M1AP: variants seen among roughly 807,000 people sequenced by gnomAD.
M1AP encodes the protein meiosis 1 arrest protein.
M1AP carries 39 observed loss-of-function variants against 51.2 expected under a neutral mutation model. That is an observed-to-expected ratio of 0.76 (90% CI 0.59 to 1.00). M1AP has a LOEUF of 1.00. Ranked by LOEUF, M1AP falls within the 50% of genes least tolerant of loss-of-function variation. The pLI is 0.00. For missense variants in M1AP, 545 were observed against 641.2 expected (o/e 0.85, Z 1.62); for synonymous variants, 251 against 249.2 (o/e 1.01, Z -0.07).
Position 74,560,157 on chromosome 2 carries a change from C to CGGA in M1AP, c.1413_1415dup (p.Pro472dup). On this transcript the variant is annotated inframe_insertion, in exon 9 of 11. Coordinates refer to ENST00000421985, the MANE Select transcript of M1AP (RefSeq NM_001321739.2). ...GGAAGGAGGGGAGCGGTACCTTTCT[C>CGGA]GGAGCTCGGCTCTCCCAGTGTGGGT... The CGGA allele has an allele frequency of 6.2e-7, 1 of 1,613,650 alleles. No individual in the cohort carries two copies. The highest frequency in any genetic ancestry group is 1.3e-5 in the African/African-American group (1 of 74,960).
rs985128395 is a variant in M1AP, at chr2:74,647,993, C to A, written c.-53+272G>T. The A allele has an allele frequency of 2.3e-5, 23 of 985,126 alleles. 1 individual carries two copies. In the African/African-American group the frequency reaches 3.1e-4, roughly 13 times the overall value. The allele number at this position is 985,126 out of a possible 1,614,324, so 61.0% of individuals were successfully genotyped here. ...CCTACCGTGCCTGGCGGATCAGCAGCCCGGCCCTCGGGCCTGGGGGCCCCG... is the reference window on the plus strand; with the variant it reads ...CCTACCGTGCCTGGCGGATCAGCAGACCGGCCCTCGGGCCTGGGGGCCCCG... On this transcript the variant is annotated intron_variant, in intron 1 of 10. Coordinates refer to ENST00000421985, the MANE Select transcript of M1AP (RefSeq NM_001321739.2).
Position 74,643,184 on chromosome 2 carries a change from A to C in M1AP, c.-52-2857T>G, listed in dbSNP as rs553905437. Reference sequence around the variant, plus strand: ...AAAAAAAGTCAGATCATAGCAGCCAAAAGACTATTAATAACAATCTTGTTC... The same window carrying C: ...AAAAAAAGTCAGATCATAGCAGCCACAAGACTATTAATAACAATCTTGTTC... On this transcript the variant is annotated intron_variant, in intron 1 of 10. Transcript: ENST00000421985. 3.4e-4 allele frequency among the ~76,000 whole-genome samples: 52 copies of C among 152,344 alleles called. No individual in the cohort carries two copies. In the South Asian group the frequency reaches 0.011, roughly 32 times the overall value.
chr2:74,591,896 C>T (rs573470483), intron 4 of M1AP, among the ~76,000 whole-genome samples: 24 of 152,134 alleles, frequency 1.6e-4, no homozygotes, highest in Non-Finnish European at 2.8e-4. Context: ...AGTGATTGTC[C>T]TGCCTCAGCC....
At chr2:74,576,340 G>T in intron 6 of M1AP, 116 bp downstream of exon 6, 1 of 1,140,432 alleles carries the variant, frequency 8.8e-7, no homozygotes, top group Non-Finnish European at 1.2e-6. Flanking sequence ...TGCTACTTCG[G>T]AACTGACTCT....
At position 74,637,434 on chromosome 2, in the gene M1AP, C is replaced by G. The variant is rs145535427; in HGVS notation, c.240+2602G>C. On this transcript the variant is annotated intron_variant, in intron 2 of 10. Transcript: ENST00000421985. ...GGTCAGTTTTAATTAATAATTTCTT[C>G]ATAATGAGTCATAATTTCCTGCTTC... 1.6e-3 allele frequency among the ~76,000 whole-genome samples: 237 copies of G among 152,322 alleles called. 2 individuals are homozygous for G. Among genetic ancestry groups the G allele is most frequent in the African/African-American group, 5.4e-3 (225 of 41,566 alleles).
intron 2 of M1AP, among the ~76,000 whole-genome samples, chr2:74,622,955 TG>T (rs1461695963): frequency 8.9e-6 from 1 of 112,556 alleles, no homozygotes; most frequent in Non-Finnish European, 1.9e-5. Context: ...AAAAATAGAG[TG>T]GAAAAAAAAA....
chr2:74,576,741 C>T (rs1225349072), intron 5 of M1AP, 123 bp from the exon 6 acceptor site: 1 of 1,287,980 alleles, frequency 7.8e-7, no homozygotes, highest in African/African-American at 1.5e-5. Flanking sequence ...CTCTACCAGG[C>T]AAGCAAGGGA....
intron 2 of M1AP, among the ~76,000 whole-genome samples, chr2:74,637,746 G>A (rs1683066816): frequency 6.6e-6 from 1 of 152,160 alleles, no homozygotes; most frequent in African/African-American, 2.4e-5. Context: ...GATATGAACA[G>A]GTACTATTCC....
chr2:74,607,324 G>T, intron 3 of M1AP, 101 bp from the exon 4 acceptor site: 4 of 1,182,038 alleles, frequency 3.4e-6, no homozygotes, highest in Non-Finnish European at 3.7e-6. Flanking sequence ...ATAAGTCTGT[G>T]GTGGTGGCTA....
At chr2:74,577,960 C>T (rs1479808050) in intron 5 of M1AP, among the ~76,000 whole-genome samples, 1 of 152,166 alleles carries the variant, frequency 6.6e-6, no homozygotes. Flanking sequence ...TGGTACTGTT[C>T]CACCTCAGAT....
chr2:74,585,087 T>C (rs1016336419), intron 4 of M1AP, among the ~76,000 whole-genome samples: 18 of 151,974 alleles, frequency 1.2e-4, no homozygotes, highest in Admixed American at 9.2e-4. Context: ...AAGTAATCCA[T>C]CTGCCTTGAC....
intron 2 of M1AP, chr2:74,628,396 T>C: frequency 2.6e-6 from 1 of 384,728 alleles, no homozygotes. Context: ...GCCATGTTGG[T>C]TAAATTATTT....
intron 8 of M1AP, among the ~76,000 whole-genome samples, chr2:74,561,481 C>T (rs765697023): frequency 2.0e-4 from 30 of 151,860 alleles, no homozygotes; most frequent in Non-Finnish European, 3.5e-4. Flanking sequence ...TGTGCACAGG[C>T]GCATCTACAC....
chr2:74,603,456 AC>A (rs1460094202), intron 4 of M1AP, among the ~76,000 whole-genome samples: 2 of 152,200 alleles, frequency 1.3e-5, no homozygotes, highest in Non-Finnish European at 2.9e-5. Flanking sequence ...CGTGGTAGAG[AC>A]CACAAGTGAT....
chr2:74,559,704 G>T lies in M1AP; in HGVS notation c.1428C>A (p.Pro476=). 1 of 718,520 alleles carries T rather than the reference G, an allele frequency of 1.4e-6. No homozygotes were observed. Among genetic ancestry groups the T allele is most frequent in the South Asian group, 1.5e-5 (1 of 67,596 alleles). 44.5% of individuals were successfully genotyped at this position (718,520 alleles called of 1,614,324 possible). A position where few individuals can be genotyped will look rare whatever the true frequency, so the allele number is the denominator to read the frequency against. Residue 476 remains proline (P), a synonymous_variant, in exon 10 of 11, where the codon CCC becomes CCA. Coordinates refer to ENST00000421985, the MANE Select transcript of M1AP (RefSeq NM_001321739.2). ...HWESRAPRKH[P]CKTGQLQTNR... ...TAAATGAGCAAACACTTACCTTGCA[G>T]GGATGCTGTGAGGATTAAATGAGAA...
intron 4 of M1AP, among the ~76,000 whole-genome samples, chr2:74,599,777 C>A: frequency 6.6e-6 from 1 of 150,618 alleles, no homozygotes; most frequent in Non-Finnish European, 1.5e-5. Context: ...AATACACACA[C>A]ACAGACACAC....
chr2:74,619,697 C>T (rs1298613402), intron 2 of M1AP, among the ~76,000 whole-genome samples: 1 of 152,104 alleles, frequency 6.6e-6, no homozygotes, highest in African/African-American at 2.4e-5. Flanking sequence ...TATCATTCAC[C>T]GTTAACTAAT....
chr2:74,559,775 T>C, intron 9 of M1AP, 66 bp from the exon 10 acceptor site: 1 of 713,812 alleles, frequency 1.4e-6, no homozygotes, highest in Non-Finnish European at 2.6e-6. Flanking sequence ...AAATGACTGG[T>C]GCTCTATAAA....
intron 2 of M1AP, among the ~76,000 whole-genome samples, chr2:74,625,763 C>G (rs867678738): frequency 6.6e-6 from 1 of 152,198 alleles, no homozygotes; most frequent in South Asian, 2.1e-4. Context: ...CATAGCCCTG[C>G]CTGGCCTAGT....
Sources: allele counts gnomAD v4.1 joint callset (sites outside exome capture counted in the v4.1 genomes callset), GRCh38; gene constraint gnomAD v4.1.1; transcripts MANE v1.5; gene names NCBI Gene and HGNC (gene_info 2026-07-23, HGNC 2026-07-21).